Variants in SOX5 observed in about 807,000 individuals in gnomAD.
SOX5 encodes the protein transcription factor SOX-5.
A neutral mutation model predicts 92.0 loss-of-function variants in SOX5; 9 were observed. That is an observed-to-expected ratio of 0.10 (90% confidence interval 0.06 to 0.17). SOX5 has a LOEUF of 0.17. Among genes scored for constraint, SOX5 ranks in the 10% least tolerant of loss-of-function variants. The pLI, the probability that SOX5 is intolerant of heterozygous loss-of-function variation, is 1.00. For missense variants in SOX5, 642 were observed against 944.5 expected (o/e 0.68, Z 4.20); for synonymous variants, 344 against 336.3 (o/e 1.02, Z -0.25).
intron 6 of SOX5, among the ~76,000 whole-genome samples, chr12:23,727,889 G>A (rs1006153505): frequency 3.9e-5 from 6 of 152,238 alleles, no homozygotes; most frequent in Admixed American, 2.0e-4. Flanking sequence ...CATGTAGCAC[G>A]TGTTGTATCA....
At chr12:24,512,379 C>T (rs1052396493) in intron 1 of SOX5, among the ~76,000 whole-genome samples, 2 of 152,234 alleles carry the variant, frequency 1.3e-5, no homozygotes, top group Non-Finnish European at 2.9e-5. Context: ...AATCCTATCT[C>T]CATCCCTTCC....
chr12:24,489,081 G>A (rs1946799025), intron 1 of SOX5, among the ~76,000 whole-genome samples: 1 of 152,102 alleles, frequency 6.6e-6, no homozygotes, highest in African/African-American at 2.4e-5. Flanking sequence ...CTAACTTACG[G>A]GACCAATGTG....
chr12:23,613,581 T>G (rs927579219), intron 8 of SOX5, among the ~76,000 whole-genome samples: 4 of 152,206 alleles, frequency 2.6e-5, no homozygotes, highest in Non-Finnish European at 2.9e-5. Context: ...AGCAGAATTA[T>G]TCACAACAGC....
At chr12:23,826,804 A>G (rs1331563478) in intron 3 of SOX5, among the ~76,000 whole-genome samples, 1 of 152,238 alleles carries the variant, frequency 6.6e-6, no homozygotes, top group African/African-American at 2.4e-5. Context: ...GACTAATGTC[A>G]CACTGTGGTA....
chr12:24,157,136 T>C (rs1952262092), intron 4 of SOX5, among the ~76,000 whole-genome samples: 2 of 152,232 alleles, frequency 1.3e-5, no homozygotes, highest in South Asian at 4.1e-4. Flanking sequence ...CATAATCTAT[T>C]TGATCTCCAT....
intron 2 of SOX5, among the ~76,000 whole-genome samples, chr12:24,281,957 G>T (rs911022256): frequency 3.5e-5 from 4 of 114,602 alleles, no homozygotes; most frequent in Admixed American, 2.5e-4. Flanking sequence ...TGTGTTCCTC[G>T]ATGCGATTTC....
chr12:23,880,991 A>T (rs547514884), intron 2 of SOX5, among the ~76,000 whole-genome samples: 18 of 152,152 alleles, frequency 1.2e-4, no homozygotes, highest in African/African-American at 4.3e-4. Context: ...TTGATTTAAA[A>T]TTTTTTTCTA....
chr12:24,016,744 C>A (rs1953667803), intron 4 of SOX5, among the ~76,000 whole-genome samples: 1 of 152,284 alleles, frequency 6.6e-6, no homozygotes, highest in South Asian at 2.1e-4. Context: ...GGACTACCAA[C>A]CTTTTCCAAA....
At chr12:23,807,082 A>C (rs560392249) in intron 3 of SOX5, among the ~76,000 whole-genome samples, 1 of 152,158 alleles carries the variant, frequency 6.6e-6, no homozygotes, top group Admixed American at 6.6e-5. Context: ...TGTTTCCATG[A>C]AATCAAAAAT....
chr12:24,364,043 A>G (rs897291326), intron 2 of SOX5, among the ~76,000 whole-genome samples: 1 of 152,198 alleles, frequency 6.6e-6, no homozygotes, highest in Non-Finnish European at 1.5e-5. Flanking sequence ...TATTTAGATT[A>G]GATGCTTTGT....
rs1939295230 is a variant in SOX5, at chr12:23,532,429, T to TATC, written c.*1787_*1789dup. 1 of 152,376 alleles carries TATC rather than the reference T, an allele frequency of 6.6e-6. No homozygotes were observed. Among genetic ancestry groups the TATC allele is most frequent in the African/African-American group, 2.4e-5 (1 of 41,596 alleles). 9.4% of individuals were successfully genotyped at this position (152,376 alleles called of 1,614,324 possible). On this transcript the variant is annotated 3_prime_UTR_variant, in exon 15 of 15. Coordinates refer to ENST00000451604, the MANE Select transcript of SOX5 (RefSeq NM_006940.6). ...GCTACTAGTTGCAGTATTTACTATC[T>TATC]ATCTGATACTTCAATACAAATAATG...
chr12:23,684,129 G>A (rs2087118132), intron 6 of SOX5, among the ~76,000 whole-genome samples: 1 of 151,908 alleles, frequency 6.6e-6, no homozygotes, highest in Admixed American at 6.6e-5. Context: ...CTAGAAATGT[G>A]CTCTACTCTT....
chr12:23,906,361 A>G (rs532324211), intron 1 of SOX5, among the ~76,000 whole-genome samples: 1 of 152,234 alleles, frequency 6.6e-6, no homozygotes. Context: ...CCATTTGAGC[A>G]TGGGTTTTGC....
chr12:23,758,619 A>T (rs1166919268), intron 3 of SOX5, among the ~76,000 whole-genome samples: 1 of 151,960 alleles, frequency 6.6e-6, no homozygotes, highest in Non-Finnish European at 1.5e-5. Flanking sequence ...GCTAAATTCT[A>T]CCTATTGGAT....
chr12:24,331,491 T>G (rs1375723029), intron 2 of SOX5: 3 of 152,154 alleles, frequency 2.0e-5, no homozygotes, highest in Non-Finnish European at 2.9e-5. Context: ...TTAATCATTC[T>G]TACACTAGGG....
chr12:23,758,781 G>A (rs2094478872), intron 3 of SOX5, among the ~76,000 whole-genome samples: 2 of 151,884 alleles, frequency 1.3e-5, no homozygotes, highest in African/African-American at 4.8e-5. Flanking sequence ...CCACCCACAT[G>A]AATGGATTAA....
chr12:23,904,909 G>A (rs1362907630), intron 1 of SOX5, among the ~76,000 whole-genome samples: 4 of 152,050 alleles, frequency 2.6e-5, no homozygotes, highest in African/African-American at 4.8e-5. Context: ...AGCCTCTTCC[G>A]TGCCACCAAA....
At chr12:24,482,869 A>G (rs1249327936) in intron 1 of SOX5, among the ~76,000 whole-genome samples, 1 of 152,218 alleles carries the variant, frequency 6.6e-6, no homozygotes, top group Non-Finnish European at 1.5e-5. Context: ...TGATAGATGT[A>G]TGTTACTTAT....
rs1290425683 is a variant in SOX5 at position 23,529,965 on chromosome 12, T to G, written c.*4254A>C. 1 of 152,036 alleles carries G rather than the reference T, an allele frequency of 6.6e-6. No individual in the cohort carries two copies. The allele number at this position is 152,036 out of a possible 1,614,324, so 9.4% of individuals were successfully genotyped here. A position where few individuals can be genotyped will look rare whatever the true frequency, so the allele number is the denominator to read the frequency against. On this transcript the variant is annotated 3_prime_UTR_variant, in exon 15 of 15. Coordinates refer to ENST00000451604, the MANE Select transcript of SOX5 (RefSeq NM_006940.6). ...TATAAATACTGTTTTAGTGAACCAG[T>G]GACGGAAACACTGGGGAGGACAGGA...
Sources: allele counts gnomAD v4.1 joint callset (sites outside exome capture counted in the v4.1 genomes callset), GRCh38; gene constraint gnomAD v4.1.1; transcripts MANE v1.5; gene names NCBI Gene and HGNC (gene_info 2026-07-23, HGNC 2026-07-21).